Variants in NOP14 observed in about 807,000 individuals in gnomAD.
The protein encoded by NOP14 is nucleolar protein 14.
Under a neutral mutation model 101.6 loss-of-function variants are expected in NOP14, and 57 were observed. The observed-to-expected ratio is 0.56, with a 90% CI of 0.45 to 0.70. The LOEUF (loss-of-function observed/expected upper bound fraction) is 0.70, where lower values mean the gene tolerates loss of function less well. Ranked by LOEUF, NOP14 falls within the 30% of genes least tolerant of loss-of-function variation. The pLI is 0.00. For missense variants in NOP14, 1,134 were observed against 1,075.5 expected (o/e 1.05, Z -0.76); for synonymous variants, 428 against 424.0 (o/e 1.01, Z -0.12).
At chr4:2,953,734 G>A (rs1715172347) in intron 4 of NOP14, 89 bp from the exon 5 acceptor site, 4 of 1,479,696 alleles carry the variant, frequency 2.7e-6, no homozygotes, top group Non-Finnish European at 3.7e-6. Flanking sequence ...GACACACACA[G>A]TGATCACTCA....
intron 15 of NOP14, chr4:2,940,805 G>A (rs1217536403): frequency 6.6e-6 from 1 of 152,604 alleles, no homozygotes; most frequent in Admixed American, 6.5e-5. Context: ...ATGGCTGTGG[G>A]GAGTTCTAGG....
Position 2,952,376 on chromosome 4 carries a change from C to A in NOP14, c.769G>T (p.Val257Phe), listed in dbSNP as rs771354457. The A allele has an allele frequency of 6.2e-7, 1 of 1,612,872 alleles. No homozygotes were observed. The highest frequency in any genetic ancestry group is 1.1e-5 in the South Asian group (1 of 90,940). The part of the protein sequence containing the change: ...KPKPDAYDMM[V>F]RELGFEMKAQ... ...TTCATTTCAAAGCCAAGCTCGCGAA[C>A]CATCATGTCATATGCATCGGGCTAA... Residue 257 changes from valine to phenylalanine, a missense_variant, in exon 6 of 18, where the codon GTT becomes TTT. Val to Phe is a conservative substitution (Grantham distance 50, BLOSUM62 -1). Coordinates refer to ENST00000416614, the MANE Select transcript of NOP14 (RefSeq NM_001291978.2).
chr4:2,952,128 A>ATTCATGAAT, intron 6 of NOP14, 147 bp downstream of exon 6: 1 of 644,564 alleles, frequency 1.6e-6, no homozygotes, highest in South Asian at 3.6e-5. Flanking sequence ...AAAAAAAGGT[A>ATTCATGAAT]TTCATGAATA....
At chr4:2,951,295 G>A (rs1438752705) in intron 6 of NOP14, 50 bp from the exon 7 acceptor site, 1 of 1,590,474 alleles carries the variant, frequency 6.3e-7, no homozygotes, top group East Asian at 2.2e-5. Flanking sequence ...CCAACATATG[G>A]TGAGGGGGCC....
At chr4:2,944,897 A>G (rs1318458764) in intron 12 of NOP14, among the ~76,000 whole-genome samples, 2 of 152,268 alleles carry the variant, frequency 1.3e-5, no homozygotes, top group Non-Finnish European at 1.5e-5. Context: ...TTTCTGGGGT[A>G]GCACCATCTG....
intron 3 of NOP14, 124 bp from the exon 4 acceptor site, chr4:2,954,687 T>TG: frequency 8.4e-7 from 1 of 1,189,670 alleles, no homozygotes; most frequent in Non-Finnish European, 1.1e-6. Context: ...GAGAAAAAAA[T>TG]GCTCACACGC....
rs530483227 is a variant in NOP14 at position 2,938,875 on chromosome 4, C to T, written c.2530G>A (p.Glu844Lys). The change falls in exon 18 of 18, where the codon GAA (glutamate) becomes AAA (lysine). Residue 844 changes from glutamate (E) to lysine (K), a missense_variant. Glu to Lys is a moderately conservative substitution (Grantham distance 56, BLOSUM62 1). Coordinates refer to ENST00000416614, the MANE Select transcript of NOP14 (RefSeq NM_001291978.2). ...CTCTTCAGAGCCTTCCATTCGCCTT[C>T]CTGTGTAGCCAGGCTGTTAAAAAGC... ...KQLFNSLATQ[E>K]GEWKALKRKK... 2.2e-5 allele frequency: 36 copies of T among 1,614,150 alleles called. No individual in the cohort carries two copies. The South Asian group carries it at 3.5e-4, about 16-fold the overall frequency.
intron 13 of NOP14, 138 bp downstream of exon 13, chr4:2,943,935 G>T: frequency 1.5e-6 from 1 of 685,950 alleles, no homozygotes; most frequent in Non-Finnish European, 2.5e-6. Flanking sequence ...CACACAGAGG[G>T]ACAGACAGTG....
chr4:2,963,038 A>T, intron 1 of NOP14, 87 bp downstream of exon 1: 1 of 1,342,468 alleles, frequency 7.4e-7, no homozygotes, highest in Non-Finnish European at 9.8e-7. Context: ...CAACGAGGAA[A>T]CCGACGCACC....
chr4:2,951,016 A>G, intron 7 of NOP14, 98 bp downstream of exon 7: 3 of 1,156,052 alleles, frequency 2.6e-6, no homozygotes, highest in Non-Finnish European at 3.7e-6. Context: ...AAAAGATTTA[A>G]AATTCCCAAC....
intron 3 of NOP14, among the ~76,000 whole-genome samples, chr4:2,955,431 C>T (rs1323215877): frequency 2.1e-4 from 28 of 135,174 alleles, no homozygotes; most frequent in African/African-American, 6.7e-4. Context: ...TGCACCACGG[C>T]GCCCTCTAGT....
rs1219138738 is a variant in NOP14, at chr4:2,956,715, T to A, written c.427A>T (p.Ile143Phe). 1 of 1,613,696 alleles carries A rather than the reference T, an allele frequency of 6.2e-7. No homozygotes were observed. Among genetic ancestry groups the A allele is most frequent in the Admixed American group, 1.7e-5 (1 of 59,946 alleles). The change falls in exon 3 of 18, where the codon ATT becomes TTT. Residue 143 changes from isoleucine to phenylalanine, a missense_variant. By Grantham distance (21) the Ile-to-Phe change is conservative. Transcript: ENST00000416614. ...TCAGCATCGCTGTCACTGTCCACAATGTCATTATGCTTCTCGATGTCTGCC... is the reference window on the plus strand; with the variant it reads ...TCAGCATCGCTGTCACTGTCCACAAAGTCATTATGCTTCTCGATGTCTGCC... ...SLADIEKHND[I>F]VDSDSDAEDR...
chr4:2,963,136 C>T lies in NOP14; in HGVS notation c.184G>A (p.Ala62Thr), dbSNP rs1716257906. ...CGCCCCCCGCTTACCTTCCTGAGGG[C>T]CCGTGCGCGAGACACCCCGGGCAGT... is the stretch of plus-strand genomic sequence containing the variant. ...VGLPGVSRARALRKRTQTLLK... is the reference protein window; with the variant it reads ...VGLPGVSRARTLRKRTQTLLK... The change falls in exon 1 of 18, where the codon GCC becomes ACC. Residue 62 changes from alanine to threonine, a missense_variant. Physicochemically the swap from Ala to Thr is moderately conservative, Grantham distance 58. Coordinates refer to ENST00000416614, the MANE Select transcript of NOP14 (RefSeq NM_001291978.2). The T allele has an allele frequency of 3.8e-6, 6 of 1,561,344 alleles. No individual in the cohort carries two copies. The highest frequency in any genetic ancestry group is 4.3e-6 in the Non-Finnish European group (5 of 1,156,476).
intron 10 of NOP14, 85 bp downstream of exon 10, chr4:2,947,441 C>A: frequency 1.0e-6 from 1 of 963,602 alleles, no homozygotes; most frequent in Non-Finnish European, 1.6e-6. Flanking sequence ...CTTAGTAACT[C>A]TGGAATGTAT....
Position 2,961,098 on chromosome 4 carries a change from TTAA to T in NOP14, c.195+2024_195+2026del, listed in dbSNP as rs1423454713. 1.2e-3 allele frequency among the ~76,000 whole-genome samples: 47 copies of T among 38,712 alleles called. 4 individuals carry two copies. Among genetic ancestry groups the T allele is most frequent in the African/African-American group, 9.4e-3 (42 of 4,446 alleles). 25.4% of individuals were successfully genotyped at this position (38,712 alleles called of 152,430 possible). A position where few individuals can be genotyped will look rare whatever the true frequency, so the allele number is the denominator to read the frequency against. On this transcript the variant is annotated intron_variant, in intron 1 of 17. Transcript: ENST00000416614. ...ACTATATTAATATTATAATAATATA[TTAA>T]TATTTTAATAATATATTAATATTAT...
intron 13 of NOP14, among the ~76,000 whole-genome samples, chr4:2,942,792 G>A (rs1714309473): frequency 6.6e-6 from 1 of 152,224 alleles, no homozygotes; most frequent in Non-Finnish European, 1.5e-5. Context: ...CGGGGGTGAC[G>A]GTGGAGGGCG....
In NOP14 at chr4:2,950,132, C is replaced by T; in HGVS notation, c.1084G>A (p.Gly362Ser). 6.2e-7 allele frequency: 1 copy of T among 1,614,200 alleles called. No homozygotes were observed. The highest frequency in any genetic ancestry group is 8.5e-7 in the Non-Finnish European group (1 of 1,180,036). ...GTGTCCTCCCCGCCTGAACTGTCAC[C>T]TTCTTCCTCGTTGCTCTCAGGGTCA... ...ASDPESNEEE[G>S]DSSGGEDTEE... The change falls in exon 8 of 18, where the codon GGT (glycine) becomes AGT (serine). Residue 362 changes from glycine to serine, a missense_variant. By Grantham distance (56) the Gly-to-Ser change is moderately conservative. Transcript: ENST00000416614.
intron 15 of NOP14, 68 bp from the exon 16 acceptor site, chr4:2,939,713 G>A: frequency 3.4e-6 from 4 of 1,182,596 alleles, no homozygotes; most frequent in Non-Finnish European, 5.1e-6. Flanking sequence ...CCACGCACGG[G>A]TTCTGTGGTG....
At chr4:2,943,421 GCTC>G (rs1286763750) in intron 13 of NOP14, among the ~76,000 whole-genome samples, 1 of 152,252 alleles carries the variant, frequency 6.6e-6, no homozygotes, top group Non-Finnish European at 1.5e-5. Flanking sequence ...AGGCTGTGCA[GCTC>G]CTCACCCCCC....
Sources: gnomAD v4.1 joint callset for allele counts (sites outside exome capture counted in the v4.1 genomes callset) on GRCh38, gnomAD v4.1.1 for gene constraint, MANE v1.5 for transcripts, NCBI Gene and HGNC (gene_info 2026-07-23, HGNC 2026-07-21) for gene names.